Variants in TTC39B observed in about 807,000 individuals in gnomAD.
The protein encoded by TTC39B is tetratricopeptide repeat domain 39B.
Under a neutral mutation model 96.6 loss-of-function variants are expected in TTC39B, and 92 were observed. The observed-to-expected ratio is 0.95, with a 90% CI of 0.80 to 1.13. TTC39B has a LOEUF of 1.13. TTC39B is among the 50% of genes most tolerant of loss of function. TTC39B has a pLI of 0.00. For missense variants in TTC39B, 955 were observed against 809.3 expected, an observed-to-expected ratio of 1.18 and a Z score of -2.18; for synonymous variants, 367 against 299.4, an observed-to-expected ratio of 1.23 and a Z score of -2.33.
intron 2 of TTC39B, among the ~76,000 whole-genome samples, chr9:15,256,100 G>C (rs1187589006): frequency 6.6e-6 from 1 of 152,182 alleles, no homozygotes; most frequent in African/African-American, 2.4e-5. Flanking sequence ...AGGTGATTAG[G>C]TCATGAGGGT....
rs1168076475 is a variant in TTC39B, at chr9:15,301,286, TCCTA to T, written c.240+5794_240+5797del. Among the ~76,000 whole-genome samples the T allele has an allele frequency of 5.3e-5, 8 of 152,346 alleles. No homozygotes were observed. The East Asian group carries it at 1.5e-3, about 29-fold the overall frequency. The stretch of plus-strand genomic sequence containing the variant: ...CTTTGAATGATAAATTATATGACCT[TCCTA>T]CCTAAAACCTACCCTAACCCAAAGA... On this transcript the variant is annotated intron_variant, in intron 1 of 19. Coordinates refer to ENST00000512701, the Ensembl canonical transcript of TTC39B.
intron 1 of TTC39B, among the ~76,000 whole-genome samples, chr9:15,275,895 C>A (rs1823526160): frequency 6.6e-6 from 1 of 152,216 alleles, no homozygotes; most frequent in Non-Finnish European, 1.5e-5. Flanking sequence ...GTGATCTACA[C>A]ACAATGCCTT....
intron 19 of TTC39B, 85 bp from the exon 20 acceptor site, chr9:15,172,194 A>G (rs1817698359): frequency 3.4e-6 from 3 of 883,364 alleles, no homozygotes; most frequent in South Asian, 3.2e-5. Context: ...TCTCTGATCT[A>G]CTTACTTACT....
chr9:15,258,950 C>G (rs72700659), intron 2 of TTC39B, among the ~76,000 whole-genome samples: 8,107 of 152,160 alleles, frequency 0.053, 246 homozygotes, highest in East Asian at 0.07. Flanking sequence ...TCTCCTTCCC[C>G]CTGTGAATTT....
intron 1 of TTC39B, among the ~76,000 whole-genome samples, chr9:15,294,961 A>G (rs1413499397): frequency 2.6e-5 from 4 of 152,250 alleles, no homozygotes; most frequent in Admixed American, 6.5e-5. Flanking sequence ...CAGGTTATAC[A>G]TGGAGGAGCA....
At chr9:15,195,216 C>A (rs565654012) in intron 8 of TTC39B, among the ~76,000 whole-genome samples, 1 of 152,172 alleles carries the variant, frequency 6.6e-6, no homozygotes, top group Non-Finnish European at 1.5e-5. Context: ...CTGGATAGAA[C>A]AAACCACCCA....
At chr9:15,179,425 A>G (rs959092055) in intron 17 of TTC39B, among the ~76,000 whole-genome samples, 12 of 152,286 alleles carry the variant, frequency 7.9e-5, no homozygotes, top group African/African-American at 2.9e-4. Context: ...TACTTAACCA[A>G]CCAGAAAGGG....
exon 20 of TTC39B, chr9:15,164,329 A>T (rs1251122175): frequency 6.6e-6 from 1 of 152,218 alleles, no homozygotes; most frequent in Non-Finnish European, 1.5e-5. Flanking sequence ...ATTCAACAAG[A>T]AACTTCACAT....
rs773309781 is a variant in TTC39B, at chr9:15,203,898, A to G, written c.692-8T>C. Reference sequence around the variant, plus strand: ...TTTCAGCATGCATTTCCTCTACAAAAAACAAATAAAATTATATTAAGTAAA... The same window carrying G: ...TTTCAGCATGCATTTCCTCTACAAAGAACAAATAAAATTATATTAAGTAAA... On this transcript the variant is annotated splice_region_variant and splice_polypyrimidine_tract_variant and intron_variant, in intron 6 of 19. Transcript: ENST00000512701. 6.2e-7 allele frequency: 1 copy of G among 1,610,606 alleles called. No homozygotes were observed. Among genetic ancestry groups the G allele is most frequent in the Admixed American group, 1.7e-5 (1 of 59,906 alleles).
Position 15,293,163 on chromosome 9 carries a change from C to T in TTC39B, c.240+13921G>A, listed in dbSNP as rs576649208. ...CACAAATACCATTGTGTTATAATGG[C>T]CTACAGTATTCAGTACAGTAACATG... On this transcript the variant is annotated intron_variant, in intron 1 of 19. Coordinates refer to ENST00000512701, the Ensembl canonical transcript of TTC39B. Among the ~76,000 whole-genome samples, 217 of 152,190 alleles carry T rather than the reference C, an allele frequency of 1.4e-3. 1 individual carries two copies. The highest frequency in any genetic ancestry group is 5.0e-3 in the African/African-American group (207 of 41,530).
intron 2 of TTC39B, among the ~76,000 whole-genome samples, chr9:15,234,456 G>A (rs1416399672): frequency 6.6e-6 from 1 of 151,532 alleles, no homozygotes; most frequent in Non-Finnish European, 1.5e-5. Context: ...GAGGTGAGGG[G>A]CGCCTCTGCC....
intron 1 of TTC39B, among the ~76,000 whole-genome samples, chr9:15,293,602 A>G (rs1215811153): frequency 6.6e-6 from 1 of 152,190 alleles, no homozygotes; most frequent in Non-Finnish European, 1.5e-5. Flanking sequence ...AGGGATGTGC[A>G]TTGTAACAGG....
At chr9:15,238,243 T>C (rs1014652983) in intron 2 of TTC39B, among the ~76,000 whole-genome samples, 2 of 152,040 alleles carry the variant, frequency 1.3e-5, no homozygotes, top group Admixed American at 6.5e-5. Context: ...TTCAACATAA[T>C]ACTGGAAGTC....
chr9:15,199,925 C>A (rs1218527839), exon 8 of TTC39B: 3 of 1,531,680 alleles, frequency 2.0e-6, no homozygotes, highest in East Asian at 2.3e-5. Flanking sequence ...ATATTTTCAT[C>A]CTGAAAATAA....
At chr9:15,230,499 T>C (rs1056598817) in intron 2 of TTC39B, among the ~76,000 whole-genome samples, 1 of 152,234 alleles carries the variant, frequency 6.6e-6, no homozygotes, top group African/African-American at 2.4e-5. Context: ...TCTTTATGCT[T>C]GGCTTTTTCA....
rs1564299731 is a variant in TTC39B, at chr9:15,167,001, TATATATATATATATATATATATA to T, written c.*4995_*5017del. The T allele has an allele frequency of 7.3e-3, 78 of 10,692 alleles. 2 individuals are homozygous for T. The highest frequency in any genetic ancestry group is 9.2e-3 in the African/African-American group (18 of 1,952). The allele number at this position is 10,692 out of a possible 1,614,324, so 0.7% of individuals were successfully genotyped here. ...TTTATTTTATATATATATATATATA[TATATATATATATATATATATATA>T]TATATTTTTTTTTTTTTTTTTTTTT... On this transcript the variant is annotated 3_prime_UTR_variant, in exon 20 of 20. Coordinates refer to ENST00000512701, the Ensembl canonical transcript of TTC39B.
At chr9:15,201,089 A>T (rs188370522) in intron 7 of TTC39B, among the ~76,000 whole-genome samples, 5 of 152,334 alleles carry the variant, frequency 3.3e-5, no homozygotes, top group Admixed American at 3.3e-4. Context: ...AGAAAAACTG[A>T]ATTTCATTTA....
At chr9:15,255,123 G>C (rs56102145) in intron 2 of TTC39B, among the ~76,000 whole-genome samples, 301 of 151,724 alleles carry the variant, frequency 2.0e-3, no homozygotes, top group African/African-American at 6.6e-3. Context: ...TTTCATTCTA[G>C]ACAATAAAAA....
chr9:15,214,308 C>T (rs960132747), intron 3 of TTC39B, 59 bp from the exon 4 acceptor site: 78 of 1,165,314 alleles, frequency 6.7e-5, no homozygotes, highest in Non-Finnish European at 9.1e-5. Flanking sequence ...GCAAGTTGTC[C>T]GAAGGGAGTG....
Sources: gnomAD v4.1 joint callset for allele counts (sites outside exome capture counted in the v4.1 genomes callset) on GRCh38, gnomAD v4.1.1 for gene constraint, MANE v1.5 for transcripts, NCBI Gene and HGNC (gene_info 2026-07-23, HGNC 2026-07-21) for gene names.